Variants in DLG2 observed in about 807,000 individuals in gnomAD.
DLG2 encodes the protein discs large MAGUK scaffold protein 2.
In DLG2, 45 loss-of-function variants were observed where a neutral mutation model predicts 132.5. The observed-to-expected ratio is 0.34, with a 90% confidence interval of 0.27 to 0.44. The LOEUF is 0.44. Ranked by LOEUF, DLG2 falls within the 20% of genes least tolerant of loss-of-function variation. The pLI, the probability that DLG2 is intolerant of heterozygous loss-of-function variation, is 1.00. For missense variants in DLG2, 1,045 were observed against 1,196.9 expected, an observed-to-expected ratio of 0.87 and a Z score of 1.87; for synonymous variants, 424 against 419.6, an observed-to-expected ratio of 1.01 and a Z score of -0.13.
At chr11:85,150,221 C>T (rs1235693962) in intron 5 of DLG2, among the ~76,000 whole-genome samples, 2 of 151,704 alleles carry the variant, frequency 1.3e-5, no homozygotes, top group Admixed American at 6.6e-5. Flanking sequence ...AGGGTTTCAC[C>T]GTGTTAGCCA....
At chr11:85,035,473 G>T (rs182049969) in intron 6 of DLG2, among the ~76,000 whole-genome samples, 1 of 152,036 alleles carries the variant, frequency 6.6e-6, no homozygotes, top group African/African-American at 2.4e-5. Flanking sequence ...CTTACATGGC[G>T]GCAGGCGAGA....
At chr11:84,600,086 G>GA (rs11371309) in intron 6 of DLG2, among the ~76,000 whole-genome samples, 16,342 of 108,604 alleles carry the variant, frequency 0.15, 1,873 homozygotes, top group Middle Eastern at 0.22. Flanking sequence ...GTGACACCTT[G>GA]AAAAAAAAAA....
chr11:85,502,499 AGG>A (rs2093828098), intron 3 of DLG2, among the ~76,000 whole-genome samples: 2 of 152,148 alleles, frequency 1.3e-5, no homozygotes, highest in Non-Finnish European at 2.9e-5. Context: ...TGTCCTTTGC[AGG>A]GACATGGATG....
chr11:83,705,994 G>A (rs1030943774), intron 18 of DLG2, among the ~76,000 whole-genome samples: 1 of 152,134 alleles, frequency 6.6e-6, no homozygotes, highest in Non-Finnish European at 1.5e-5. Flanking sequence ...CAAGGCTGGT[G>A]GATCATGAAG....
chr11:84,447,351 TAAGG>T (rs1393624761), intron 7 of DLG2, among the ~76,000 whole-genome samples: 2 of 152,156 alleles, frequency 1.3e-5, no homozygotes, highest in Admixed American at 6.5e-5. Context: ...TTCCAATCTT[TAAGG>T]AAGACAAAAT....
chr11:85,500,506 C>T (rs1451166478), intron 3 of DLG2, among the ~76,000 whole-genome samples: 2 of 140,720 alleles, frequency 1.4e-5, no homozygotes, highest in African/African-American at 6.1e-5. Context: ...CTAACCTGCA[C>T]AATGTGCACA....
rs185629461 is a variant in DLG2, at chr11:83,903,921, A to G, written c.1496+26407T>C. ...CCCTACAAATACTGTGTTTTTTCCT[A>G]TGCATACATATCTATGATAAAACTT... On this transcript the variant is annotated intron_variant, in intron 15 of 27. Coordinates refer to ENST00000376104, the MANE Select transcript of DLG2 (RefSeq NM_001142699.3). 1.6e-3 allele frequency among the ~76,000 whole-genome samples: 248 copies of G among 152,322 alleles called. 1 individual carries two copies. The highest frequency in any genetic ancestry group is 5.7e-3 in the African/African-American group (236 of 41,580).
chr11:84,457,655 C>A (rs987530271), intron 7 of DLG2, among the ~76,000 whole-genome samples: 2 of 150,976 alleles, frequency 1.3e-5, no homozygotes. Flanking sequence ...AAACAGAGTG[C>A]GACCCTGAAT....
chr11:84,987,059 CAA>C (rs1345066085), intron 6 of DLG2, among the ~76,000 whole-genome samples: 2 of 152,138 alleles, frequency 1.3e-5, no homozygotes, highest in Admixed American at 6.5e-5. Context: ...AAGATTTCAG[CAA>C]AGTTTCTGGA....
chr11:85,462,128 A>G (rs962623958), intron 3 of DLG2, among the ~76,000 whole-genome samples: 2 of 152,216 alleles, frequency 1.3e-5, no homozygotes, highest in African/African-American at 4.8e-5. Context: ...TTAGAATGGC[A>G]ATCATTAAAA....
At chr11:84,122,755 C>G (rs2093987542) in intron 9 of DLG2, among the ~76,000 whole-genome samples, 1 of 152,098 alleles carries the variant, frequency 6.6e-6, no homozygotes, top group South Asian at 2.1e-4. Flanking sequence ...TTTGAGGTAG[C>G]AAATTAAATT....
At chr11:84,553,989 C>T (rs949265224) in intron 6 of DLG2, among the ~76,000 whole-genome samples, 2 of 152,146 alleles carry the variant, frequency 1.3e-5, no homozygotes, top group African/African-American at 4.8e-5. Flanking sequence ...AGAGACTTGG[C>T]CAGGCTGATA....
At chr11:84,399,287 C>T (rs1022702015) in intron 7 of DLG2, among the ~76,000 whole-genome samples, 3 of 152,124 alleles carry the variant, frequency 2.0e-5, no homozygotes, top group African/African-American at 7.2e-5. Context: ...TCAGGGGTCT[C>T]CTTTTTAATC....
intron 6 of DLG2, among the ~76,000 whole-genome samples, chr11:85,012,672 T>G (rs2059241888): frequency 6.6e-6 from 1 of 152,186 alleles, no homozygotes; most frequent in African/African-American, 2.4e-5. Context: ...TCATTGCTTT[T>G]GGGGTTACTG....
Position 83,632,866 on chromosome 11 carries a change from G to C in DLG2, c.1940+345C>G. 2 of 231,504 alleles carry C rather than the reference G, an allele frequency of 8.6e-6. 1 individual carries two copies. Among genetic ancestry groups the C allele is most frequent in the South Asian group, 1.6e-4 (2 of 12,886 alleles). 14.3% of individuals were successfully genotyped at this position (231,504 alleles called of 1,614,324 possible). Reference sequence around the variant, plus strand: ...TACAGGAATATTTTCTTTTCACACTGATGGTAAGTAAATGTCCAAGGGTTT... The same window carrying C: ...TACAGGAATATTTTCTTTTCACACTCATGGTAAGTAAATGTCCAAGGGTTT... On this transcript the variant is annotated intron_variant, in intron 19 of 27. Transcript: ENST00000376104.
intron 4 of DLG2, among the ~76,000 whole-genome samples, chr11:85,209,663 C>T (rs1201592302): frequency 7.1e-6 from 1 of 141,764 alleles, no homozygotes. Context: ...TGATCTTGAA[C>T]TCCTGACCTC....
rs143416940 is a variant in DLG2 at position 84,041,289 on chromosome 11, T to C, written c.919+18026A>G. 8.2e-4 allele frequency among the ~76,000 whole-genome samples: 124 copies of C among 152,092 alleles called. 2 individuals are homozygous for C. The highest frequency in any genetic ancestry group is 2.9e-3 in the African/African-American group (121 of 41,542). On this transcript the variant is annotated intron_variant, in intron 11 of 27. Transcript: ENST00000376104. Reference sequence around the variant, plus strand: ...GCCATTTCACTCATAGGCAGGTACATATATAGGATAAATTCCTAGAAGTAG... The same window carrying C: ...GCCATTTCACTCATAGGCAGGTACACATATAGGATAAATTCCTAGAAGTAG...
At chr11:85,422,349 A>G (rs1489032843) in intron 3 of DLG2, among the ~76,000 whole-genome samples, 4 of 152,082 alleles carry the variant, frequency 2.6e-5, no homozygotes, top group African/African-American at 9.7e-5. Context: ...GTTTAACATA[A>G]TCCCAGATTT....
intron 16 of DLG2, among the ~76,000 whole-genome samples, chr11:83,869,646 G>GT (rs1169603224): frequency 6.6e-5 from 10 of 152,228 alleles, no homozygotes; most frequent in African/African-American, 2.2e-4. Context: ...ACTACTTTTT[G>GT]TTTTTCTTTT....
Sources: allele counts gnomAD v4.1 joint callset (sites outside exome capture counted in the v4.1 genomes callset), GRCh38; gene constraint gnomAD v4.1.1; transcripts MANE v1.5; gene names NCBI Gene and HGNC (gene_info 2026-07-23, HGNC 2026-07-21).